Variants in KHDRBS2 observed in about 807,000 individuals in gnomAD.
KHDRBS2 encodes KH RNA binding domain containing, signal transduction associated 2, also known as KH domain-containing, RNA-binding, signal transduction-associated protein 2.
Under a neutral mutation model 44.3 loss-of-function variants are expected in KHDRBS2, and 26 were observed. The observed-to-expected ratio is 0.59, with a 90% CI of 0.43 to 0.81. The LOEUF (loss-of-function observed/expected upper bound fraction) is 0.81. Ranked by LOEUF, KHDRBS2 falls within the 40% of genes least tolerant of loss-of-function variation. The pLI is 0.00. For synonymous variants in KHDRBS2, 194 were observed against 151.1 expected, an observed-to-expected ratio of 1.28 and a Z score of -2.08; for missense variants, 476 against 433.1, an observed-to-expected ratio of 1.10 and a Z score of -0.88.
chr6:62,207,108 C>T (rs1408073495), intron 1 of KHDRBS2, among the ~76,000 whole-genome samples: 1 of 151,976 alleles, frequency 6.6e-6, no homozygotes, highest in Non-Finnish European at 1.5e-5. Context: ...TGTGATACTT[C>T]CTATCTGTGA....
intron 1 of KHDRBS2, among the ~76,000 whole-genome samples, chr6:62,283,954 A>T (rs933647689): frequency 1.3e-5 from 2 of 152,012 alleles, no homozygotes; most frequent in African/African-American, 2.4e-5. Flanking sequence ...TCTTACTTAG[A>T]TGTTTTTCTC....
chr6:62,273,973 T>A (rs1352956282), intron 1 of KHDRBS2, among the ~76,000 whole-genome samples: 1 of 152,150 alleles, frequency 6.6e-6, no homozygotes, highest in South Asian at 2.1e-4. Flanking sequence ...GGAGTCTCTG[T>A]CACCCAGGCT....
chr6:62,247,894 T>A (rs553902149), intron 1 of KHDRBS2, among the ~76,000 whole-genome samples: 4 of 152,228 alleles, frequency 2.6e-5, no homozygotes, highest in African/African-American at 9.6e-5. Flanking sequence ...TTTTTTAAAA[T>A]CCATAAAGTT....
chr6:61,913,195 T>C (rs779278087), intron 4 of KHDRBS2, among the ~76,000 whole-genome samples: 8 of 152,150 alleles, frequency 5.3e-5, no homozygotes, highest in Non-Finnish European at 8.8e-5. Flanking sequence ...ATGTACACTT[T>C]GATTCTTTTT....
chr6:61,587,841 A>T, the KHDRBS2 span, among the ~76,000 whole-genome samples: 1 of 152,120 alleles, frequency 6.6e-6, no homozygotes, highest in Non-Finnish European at 1.5e-5. Flanking sequence ...ATTTCAAATG[A>T]CTAGTCTCTC....
chr6:62,149,267 G>A (rs1048120653), intron 2 of KHDRBS2, among the ~76,000 whole-genome samples: 1 of 151,916 alleles, frequency 6.6e-6, no homozygotes. Flanking sequence ...CACAACATAC[G>A]GGCTTTTACG....
intron 7 of KHDRBS2, among the ~76,000 whole-genome samples, chr6:61,704,794 G>A (rs1228829156): frequency 6.6e-6 from 1 of 151,836 alleles, no homozygotes; most frequent in East Asian, 1.9e-4. Flanking sequence ...GTAAATAAAT[G>A]TATAAGCAAA....
intron 3 of KHDRBS2, among the ~76,000 whole-genome samples, chr6:61,998,149 C>T (rs1777569999): frequency 6.6e-6 from 1 of 151,962 alleles, no homozygotes; most frequent in Admixed American, 6.6e-5. Context: ...AAATGAAGAA[C>T]CTGAATGAGG....
chr6:61,805,146 G>A (rs1460479418), intron 6 of KHDRBS2, among the ~76,000 whole-genome samples: 1 of 152,068 alleles, frequency 6.6e-6, no homozygotes, highest in Non-Finnish European at 1.5e-5. Flanking sequence ...CATCCTGAAT[G>A]CTTTGCTGCT....
intron 2 of KHDRBS2, among the ~76,000 whole-genome samples, chr6:62,055,073 A>T (rs1349798190): frequency 1.3e-5 from 2 of 152,050 alleles, no homozygotes; most frequent in Non-Finnish European, 2.9e-5. Flanking sequence ...TAATATTTTT[A>T]AAATGATGAA....
chr6:62,196,349 T>C (rs1416850764), intron 1 of KHDRBS2, among the ~76,000 whole-genome samples: 1 of 152,144 alleles, frequency 6.6e-6, no homozygotes, highest in Admixed American at 6.6e-5. Flanking sequence ...TCCCAATAAG[T>C]ATACTTCCAA....
At chr6:61,644,579 A>G in the KHDRBS2 span, among the ~76,000 whole-genome samples, 1 of 152,198 alleles carries the variant, frequency 6.6e-6, no homozygotes. Context: ...TCTAATATCC[A>G]GAAATTACAA....
intron 6 of KHDRBS2, among the ~76,000 whole-genome samples, chr6:61,863,274 T>G (rs1358954489): frequency 6.7e-6 from 1 of 150,022 alleles, no homozygotes; most frequent in Non-Finnish European, 1.5e-5. Flanking sequence ...TTTTTTTTTT[T>G]GTCTTTCAAT....
At chr6:62,040,867 T>C (rs568968578) in intron 3 of KHDRBS2, among the ~76,000 whole-genome samples, 3 of 152,084 alleles carry the variant, frequency 2.0e-5, no homozygotes, top group African/African-American at 2.4e-5. Flanking sequence ...ACTGAAACTA[T>C]CCAGATTCAA....
intron 6 of KHDRBS2, among the ~76,000 whole-genome samples, chr6:61,835,740 C>T (rs1320188225): frequency 1.7e-4 from 20 of 117,908 alleles, no homozygotes; most frequent in African/African-American, 6.6e-4. Flanking sequence ...TGTGTGTGTG[C>T]ATGAGAGAGA....
Position 61,999,406 on chromosome 6 carries a change from C to A in KHDRBS2, c.337-21194G>T, listed in dbSNP as rs1257895765. ...CAATTTCTATAAATTTGTACCTGAT[C>A]AAGCATCATTATCATGAGTAATAAC... On this transcript the variant is annotated intron_variant, in intron 3 of 8. Coordinates refer to ENST00000281156, the MANE Select transcript of KHDRBS2 (RefSeq NM_152688.4). 2.0e-5 allele frequency among the ~76,000 whole-genome samples: 3 copies of A among 152,062 alleles called. No homozygotes were observed. The East Asian group carries it at 5.8e-4, about 29-fold the overall frequency.
chr6:62,009,852 A>G (rs1779967688), intron 3 of KHDRBS2, among the ~76,000 whole-genome samples: 1 of 152,312 alleles, frequency 6.6e-6, no homozygotes, highest in African/African-American at 2.4e-5. Context: ...ATGAAAATGC[A>G]GGATATCCAG....
At chr6:61,706,259 T>C (rs1194469763) in intron 7 of KHDRBS2, among the ~76,000 whole-genome samples, 1 of 151,840 alleles carries the variant, frequency 6.6e-6, no homozygotes, top group African/African-American at 2.4e-5. Flanking sequence ...AGCATTCAGT[T>C]CTATCTGGAA....
At chr6:61,547,047 G>A in the KHDRBS2 span, among the ~76,000 whole-genome samples, 5 of 152,050 alleles carry the variant, frequency 3.3e-5, no homozygotes, top group Non-Finnish European at 7.4e-5. Context: ...TCAGATTAGG[G>A]CAATTTAGAT....
Sources: allele counts gnomAD v4.1 joint callset (sites outside exome capture counted in the v4.1 genomes callset), GRCh38; gene constraint gnomAD v4.1.1; transcripts MANE v1.5; gene names NCBI Gene and HGNC (gene_info 2026-07-23, HGNC 2026-07-21).